The following OPCML variants were observed in gnomAD, a reference collection of about 807,000 sequenced individuals.
The protein encoded by OPCML is opioid-binding protein/cell adhesion molecule.
OPCML carries 13 observed loss-of-function variants against 37.8 expected under a neutral mutation model. The ratio of observed to expected loss-of-function variants is 0.34; its 90% CI spans 0.22 to 0.55. The LOEUF (loss-of-function observed/expected upper bound fraction) is 0.55. Ranked by LOEUF, OPCML falls within the 20% of genes least tolerant of loss-of-function variation. OPCML has a pLI of 0.91. For missense variants in OPCML, 341 were observed against 435.6 expected, an observed-to-expected ratio of 0.78 and a Z score of 1.93; for synonymous variants, 176 against 168.8, an observed-to-expected ratio of 1.04 and a Z score of -0.33.
intron 1 of OPCML, among the ~76,000 whole-genome samples, chr11:133,375,474 A>T (rs1944782240): frequency 6.6e-6 from 1 of 152,224 alleles, no homozygotes; most frequent in African/African-American, 2.4e-5. Flanking sequence ...TTCCAAGAAG[A>T]AAATAATTCT....
chr11:133,199,339 C>T (rs1347926948), intron 1 of OPCML, among the ~76,000 whole-genome samples: 1 of 152,078 alleles, frequency 6.6e-6, no homozygotes, highest in Non-Finnish European at 1.5e-5. Flanking sequence ...ATTACCTTTG[C>T]TTTTATTATT....
intron 3 of OPCML, among the ~76,000 whole-genome samples, chr11:132,618,824 A>G (rs1413325195): frequency 6.6e-6 from 1 of 152,056 alleles, no homozygotes; most frequent in Non-Finnish European, 1.5e-5. Context: ...CTTCTTAAAC[A>G]ATAAGTTTCC....
At chr11:132,850,577 A>C (rs1941765427) in intron 2 of OPCML, among the ~76,000 whole-genome samples, 2 of 151,934 alleles carry the variant, frequency 1.3e-5, no homozygotes, top group Admixed American at 6.6e-5. Context: ...AAAATCACTC[A>C]TGTGTATAGT....
At chr11:132,637,398 G>A (rs1940576351) in intron 3 of OPCML, among the ~76,000 whole-genome samples, 1 of 152,086 alleles carries the variant, frequency 6.6e-6, no homozygotes, top group African/African-American at 2.4e-5. Context: ...TGAGCCTGCT[G>A]TTGAGGCTGT....
chr11:132,650,451 C>A (rs1441450439), intron 3 of OPCML, among the ~76,000 whole-genome samples: 1 of 152,176 alleles, frequency 6.6e-6, no homozygotes, highest in Non-Finnish European at 1.5e-5. Flanking sequence ...CTTTCCATTG[C>A]AAAGTCAAGG....
At chr11:133,199,291 C>A (rs1938667289) in intron 1 of OPCML, among the ~76,000 whole-genome samples, 1 of 152,154 alleles carries the variant, frequency 6.6e-6, no homozygotes, top group African/African-American at 2.4e-5. Flanking sequence ...TGGGGGAAAA[C>A]AAACAGAAGA....
intron 2 of OPCML, among the ~76,000 whole-genome samples, chr11:132,850,576 CAT>C (rs1401757540): frequency 6.6e-6 from 1 of 151,840 alleles, no homozygotes; most frequent in East Asian, 1.9e-4. Context: ...TAAAATCACT[CAT>C]GTGTATAGTT....
At chr11:133,438,186 G>T (rs377282538) in intron 1 of OPCML, among the ~76,000 whole-genome samples, 1 of 152,196 alleles carries the variant, frequency 6.6e-6, no homozygotes, top group African/African-American at 2.4e-5. Context: ...GCGGTGAGAA[G>T]TGTAAGAATA....
intron 4 of OPCML, among the ~76,000 whole-genome samples, chr11:132,520,696 G>GTGTGTGTT (rs1252813015): frequency 2.0e-5 from 3 of 148,668 alleles, no homozygotes; most frequent in Non-Finnish European, 4.4e-5. Flanking sequence ...GTGTGTGTGT[G>GTGTGTGTT]TGTGTGTATG....
At chr11:132,450,178 G>T (rs1374921555) in intron 4 of OPCML, among the ~76,000 whole-genome samples, 1 of 152,152 alleles carries the variant, frequency 6.6e-6, no homozygotes, top group African/African-American at 2.4e-5. Context: ...TACACTCCAG[G>T]CCTTGATCAA....
chr11:133,301,489 G>A (rs1388755354), intron 1 of OPCML: 4 of 152,130 alleles, frequency 2.6e-5, no homozygotes, highest in East Asian at 1.9e-4. Context: ...ATGAATACAG[G>A]TCTCAATTCC....
intron 1 of OPCML, chr11:133,301,514 T>A (rs1457355294): frequency 6.6e-6 from 1 of 152,230 alleles, no homozygotes; most frequent in African/African-American, 2.4e-5. Context: ...TGTATTTTTT[T>A]AATTGATAAC....
chr11:133,299,286 T>C (rs1243672800), intron 1 of OPCML: 3 of 152,278 alleles, frequency 2.0e-5, no homozygotes, highest in African/African-American at 7.2e-5. Context: ...AGAAGTAATT[T>C]GTTGCTGGGA....
At chr11:133,225,415 C>A (rs890781880) in intron 1 of OPCML, among the ~76,000 whole-genome samples, 1 of 152,190 alleles carries the variant, frequency 6.6e-6, no homozygotes, top group African/African-American at 2.4e-5. Flanking sequence ...ACCCTCGGCC[C>A]GTGACCTGAC....
intron 1 of OPCML, among the ~76,000 whole-genome samples, chr11:133,392,533 TCACCTGTC>T (rs373781537): frequency 1.1e-4 from 17 of 152,146 alleles, no homozygotes; most frequent in African/African-American, 3.9e-4. Flanking sequence ...GCACATGGGG[TCACCTGTC>T]CTCCACACGT....
chr11:132,534,468 A>C (rs2096334869), intron 3 of OPCML, among the ~76,000 whole-genome samples: 1 of 152,204 alleles, frequency 6.6e-6, no homozygotes. Flanking sequence ...ATACTGTTTT[A>C]CTCAAACGAT....
chr11:132,904,755 C>T (rs113007994), intron 2 of OPCML, among the ~76,000 whole-genome samples: 193 of 152,314 alleles, frequency 1.3e-3, no homozygotes, highest in Non-Finnish European at 2.2e-3. Context: ...CTCCTCAGAT[C>T]CTGACCTAGT....
intron 3 of OPCML, among the ~76,000 whole-genome samples, chr11:132,578,729 C>CT (rs1410325599): frequency 1.3e-5 from 2 of 152,202 alleles, no homozygotes; most frequent in African/African-American, 4.8e-5. Context: ...TCTGAGCTTG[C>CT]TAACAACACC....
chr11:132,576,623 T>C (rs1009210959), intron 3 of OPCML, among the ~76,000 whole-genome samples: 1 of 152,176 alleles, frequency 6.6e-6, no homozygotes, highest in Admixed American at 6.5e-5. Context: ...TCAGGTCAGT[T>C]TCTGGAGAGT....
Sources: gnomAD v4.1 joint callset for allele counts (sites outside exome capture counted in the v4.1 genomes callset) on GRCh38, gnomAD v4.1.1 for gene constraint, MANE v1.5 for transcripts, NCBI Gene and HGNC (gene_info 2026-07-23, HGNC 2026-07-21) for gene names.